TENM2: variants seen among roughly 807,000 people sequenced by gnomAD.
TENM2 encodes teneurin-2.
TENM2 carries 52 observed loss-of-function variants against 245.2 expected under a neutral mutation model. That is an observed-to-expected ratio of 0.21 (90% CI 0.17 to 0.27). The LOEUF (loss-of-function observed/expected upper bound fraction) is 0.27, where lower values mean the gene tolerates loss of function less well. Among genes scored for constraint, TENM2 ranks in the 10% least tolerant of loss-of-function variants. The pLI, the probability that TENM2 is intolerant of heterozygous loss-of-function variation, is 1.00. For missense variants in TENM2, 3,046 were observed against 3,666.8 expected, an observed-to-expected ratio of 0.83 and a Z score of 4.37; for synonymous variants, 1,363 against 1,438.9, an observed-to-expected ratio of 0.95 and a Z score of 1.19.
the TENM2 span, among the ~76,000 whole-genome samples, chr5:167,002,669 A>C: frequency 6.6e-6 from 1 of 152,070 alleles, no homozygotes; most frequent in East Asian, 1.9e-4. Context: ...AAAAAAACAA[A>C]AAAAAAACAG....
chr5:167,109,899 A>G, the TENM2 span, among the ~76,000 whole-genome samples: 1 of 152,204 alleles, frequency 6.6e-6, no homozygotes, highest in Non-Finnish European at 1.5e-5. Context: ...TTTTGGCTGG[A>G]AGAATATTTG....
chr5:167,932,234 A>G (rs1778346916), intron 3 of TENM2, among the ~76,000 whole-genome samples: 1 of 152,130 alleles, frequency 6.6e-6, no homozygotes, highest in Admixed American at 6.5e-5. Flanking sequence ...TGGATGTAAC[A>G]TGGGACCTGC....
intron 1 of TENM2, among the ~76,000 whole-genome samples, chr5:167,310,423 A>G (rs1327884626): frequency 1.3e-5 from 2 of 152,204 alleles, no homozygotes; most frequent in Non-Finnish European, 2.9e-5. Context: ...TAGAGTACAC[A>G]GTGCTAGTGT....
intron 5 of TENM2, among the ~76,000 whole-genome samples, chr5:168,008,805 C>T (rs1785014645): frequency 6.6e-6 from 1 of 152,188 alleles, no homozygotes; most frequent in African/African-American, 2.4e-5. Context: ...TCACCACTCA[C>T]TTCTCTAAAA....
chr5:167,331,484 G>A (rs1348298713), intron 1 of TENM2, among the ~76,000 whole-genome samples: 1 of 152,170 alleles, frequency 6.6e-6, no homozygotes, highest in East Asian at 1.9e-4. Flanking sequence ...ACCTACAGAA[G>A]TGAGGACATG....
chr5:167,000,912 G>A, the TENM2 span, among the ~76,000 whole-genome samples: 8 of 152,018 alleles, frequency 5.3e-5, no homozygotes, highest in Admixed American at 3.3e-4. Context: ...AGAGTAAGTT[G>A]TTGTATTTGG....
intron 2 of TENM2, among the ~76,000 whole-genome samples, chr5:167,746,688 A>AGAGAGAGAGAGAGC (rs1761593473): frequency 1.4e-5 from 2 of 139,630 alleles, no homozygotes; most frequent in Non-Finnish European, 3.0e-5. Flanking sequence ...AGAGAGAGAG[A>AGAGAGAGAGAGAGC]GAGAGAGAGA....
At chr5:168,190,114 G>A (rs1760817879) in intron 13 of TENM2, among the ~76,000 whole-genome samples, 1 of 152,178 alleles carries the variant, frequency 6.6e-6, no homozygotes, top group Admixed American at 6.5e-5. Context: ...TGCTACATGA[G>A]GATAACCATT....
At chr5:167,427,860 G>A (rs569559741) in intron 2 of TENM2, among the ~76,000 whole-genome samples, 92 of 131,186 alleles carry the variant, frequency 7.0e-4, no homozygotes, top group African/African-American at 2.8e-3. Context: ...AAGGAAGGAC[G>A]GAAAGGAAGG....
chr5:167,993,057 G>A, exon 5 of TENM2: 2 of 1,613,986 alleles, frequency 1.2e-6, no homozygotes, highest in Non-Finnish European at 1.7e-6. Context: ...CTGCTGCCCA[G>A]GAATACTTTC....
the TENM2 span, among the ~76,000 whole-genome samples, chr5:167,083,207 C>G: frequency 6.6e-6 from 1 of 152,138 alleles, no homozygotes; most frequent in African/African-American, 2.4e-5. Flanking sequence ...TTCCCTAAAC[C>G]ATAGCACTCA....
chr5:167,567,021 A>G (rs1773950435), intron 2 of TENM2, among the ~76,000 whole-genome samples: 1 of 150,378 alleles, frequency 6.6e-6, no homozygotes. Context: ...ATTTGTTTTA[A>G]TTGGCTAAAT....
chr5:168,236,973 TA>T (rs1765535212), intron 25 of TENM2, among the ~76,000 whole-genome samples: 3 of 5,582 alleles, frequency 5.4e-4, no homozygotes, highest in Non-Finnish European at 1.2e-3. Flanking sequence ...TATATATATA[TA>T]TATATATATA....
the TENM2 span, among the ~76,000 whole-genome samples, chr5:167,102,092 G>T: frequency 1.3e-5 from 2 of 150,594 alleles, no homozygotes; most frequent in African/African-American, 2.4e-5. Flanking sequence ...CAGGTGTGGT[G>T]GCACGTGGCT....
chr5:167,434,679 A>G (rs530350020), intron 2 of TENM2, among the ~76,000 whole-genome samples: 1 of 152,204 alleles, frequency 6.6e-6, no homozygotes, highest in Non-Finnish European at 1.5e-5. Flanking sequence ...TCTGAATTTT[A>G]TGTGGATTTA....
the TENM2 span, among the ~76,000 whole-genome samples, chr5:167,073,998 G>A: frequency 6.6e-6 from 1 of 152,012 alleles, no homozygotes; most frequent in South Asian, 2.1e-4. Flanking sequence ...ATTTTCCCCT[G>A]GTCCTCTGCT....
At chr5:167,552,951 A>AATG (rs1562049429) in intron 2 of TENM2, among the ~76,000 whole-genome samples, 7 of 116,192 alleles carry the variant, frequency 6.0e-5, no homozygotes, top group African/African-American at 1.3e-4. Context: ...ATGAATGAAT[A>AATG]AGTGAGACAT....
At chr5:167,034,948 A>T in the TENM2 span, among the ~76,000 whole-genome samples, 1 of 152,164 alleles carries the variant, frequency 6.6e-6, no homozygotes, top group African/African-American at 2.4e-5. Flanking sequence ...GTATTTCCTT[A>T]TGAGTAAAGA....
intron 2 of TENM2, among the ~76,000 whole-genome samples, chr5:167,781,583 C>T (rs1375603862): frequency 1.3e-5 from 2 of 152,076 alleles, no homozygotes; most frequent in Non-Finnish European, 2.9e-5. Context: ...AATGTGACTT[C>T]GTTTGCTGAG....
Sources: gnomAD v4.1 joint callset for allele counts (sites outside exome capture counted in the v4.1 genomes callset) on GRCh38, gnomAD v4.1.1 for gene constraint, MANE v1.5 for transcripts, NCBI Gene and HGNC (gene_info 2026-07-23, HGNC 2026-07-21) for gene names.